Variants in FRMD4A observed in about 807,000 individuals in gnomAD.
FRMD4A encodes FERM domain containing 4A, also known as FERM domain-containing protein 4A.
In FRMD4A, 29 loss-of-function variants were observed where a neutral mutation model predicts 129.1. The ratio of observed to expected loss-of-function variants is 0.22; its 90% confidence interval spans 0.17 to 0.31. The LOEUF (loss-of-function observed/expected upper bound fraction) is 0.31, where lower values mean the gene tolerates loss of function less well. Among genes scored for constraint, FRMD4A ranks in the 10% least tolerant of loss-of-function variants. FRMD4A has a pLI of 1.00. For missense variants in FRMD4A, 1,272 were observed against 1,375.8 expected (o/e 0.92, Z 1.19); for synonymous variants, 634 against 571.6 (o/e 1.11, Z -1.56).
intron 2 of FRMD4A, among the ~76,000 whole-genome samples, chr10:14,136,236 A>G (rs1427192844): frequency 1.3e-5 from 2 of 152,186 alleles, no homozygotes; most frequent in African/African-American, 4.8e-5. Flanking sequence ...CAGGCTGTGA[A>G]CTGCATCAGA....
intron 2 of FRMD4A, among the ~76,000 whole-genome samples, chr10:14,221,300 C>T (rs1843251466): frequency 6.6e-6 from 1 of 152,082 alleles, no homozygotes; most frequent in African/African-American, 2.4e-5. Context: ...GATAACTGCT[C>T]CATCTGTGGA....
chr10:14,329,957 T>G (rs1471112966), intron 2 of FRMD4A, 101 bp downstream of exon 2: 2 of 1,103,662 alleles, frequency 1.8e-6, no homozygotes, highest in East Asian at 2.6e-5. Flanking sequence ...CGGAGCAATG[T>G]TGAACATGTC....
At chr10:14,133,688 T>G (rs947432139) in intron 2 of FRMD4A, among the ~76,000 whole-genome samples, 4 of 152,212 alleles carry the variant, frequency 2.6e-5, no homozygotes, top group African/African-American at 4.8e-5. Context: ...ATGTGCTATA[T>G]CCTGTGTGGA....
intron 2 of FRMD4A, among the ~76,000 whole-genome samples, chr10:13,910,993 T>C (rs776735561): frequency 1.3e-5 from 2 of 151,882 alleles, no homozygotes; most frequent in Non-Finnish European, 2.9e-5. Context: ...CCTCTGAAAT[T>C]TGACTTCAAA....
intron 2 of FRMD4A, among the ~76,000 whole-genome samples, chr10:14,005,032 T>C (rs943041884): frequency 3.3e-5 from 5 of 150,924 alleles, no homozygotes; most frequent in Non-Finnish European, 5.9e-5. Context: ...CTTTCTTTCT[T>C]TTTTTTTTGA....
intron 2 of FRMD4A, chr10:13,972,051 C>T (rs1321278782): frequency 1.7e-6 from 2 of 1,155,932 alleles, no homozygotes; most frequent in Non-Finnish European, 1.1e-6. Context: ...GTGTTTTCTC[C>T]TTGTCTCTGG....
rs149110193 is a variant in FRMD4A at position 13,911,712 on chromosome 10, C to T, written c.46-52800G>A. Among the ~76,000 whole-genome samples the T allele has an allele frequency of 8.5e-5, 13 of 152,260 alleles. No homozygotes were observed. The East Asian group carries it at 2.3e-3, about 27-fold the overall frequency. ...GAGTAGCTGGGACTACAGGCACGTG[C>T]CACCTCGCCTGGCTAATTTTTTGTA... On this transcript the variant is annotated intron_variant, in intron 2 of 24. Transcript: ENST00000357447.
intron 22 of FRMD4A, 124 bp downstream of exon 22, chr10:13,656,508 GAATT>G (rs751081812): frequency 7.9e-5 from 90 of 1,137,540 alleles, no homozygotes; most frequent in Middle Eastern, 3.2e-4. Context: ...AGCGTTCCCA[GAATT>G]AATTAATGAT....
At chr10:13,866,729 G>T (rs1337462027) in intron 2 of FRMD4A, among the ~76,000 whole-genome samples, 1 of 152,162 alleles carries the variant, frequency 6.6e-6, no homozygotes, top group Non-Finnish European at 1.5e-5. Flanking sequence ...GGAGGCCGAG[G>T]TGGGCAGATC....
chr10:13,987,226 C>T (rs1020978954), intron 2 of FRMD4A, among the ~76,000 whole-genome samples: 3 of 152,064 alleles, frequency 2.0e-5, no homozygotes, highest in African/African-American at 7.2e-5. Flanking sequence ...TCTGAACTAT[C>T]GTGGGATAGA....
At chr10:13,720,318 G>C (rs2134972136) in intron 12 of FRMD4A, among the ~76,000 whole-genome samples, 1 of 152,306 alleles carries the variant, frequency 6.6e-6, no homozygotes, top group African/African-American at 2.4e-5. Flanking sequence ...CAAAGTGTTG[G>C]GATTACAGGC....
rs776272804 is a variant in FRMD4A at position 13,657,133 on chromosome 10, C to CCGCCCCACG, written c.2455_2456insCGTGGGGCG (p.Gly818_Gly819insAlaTrpGly). On this transcript the variant is annotated inframe_insertion, in exon 22 of 25. Transcript: ENST00000357447. Reference sequence around the variant, plus strand: ...CTGGCTCTGGCTGTGCAGGTACACACCGCCCCCCGCGCCCCCCGCGCCCCC... The same window carrying CCGCCCCACG: ...CTGGCTCTGGCTGTGCAGGTACACACCGCCCCACGCGCCCCCCGCGCCCCCCGCGCCCCC... 2 of 1,504,880 alleles carry CCGCCCCACG rather than the reference C, an allele frequency of 1.3e-6. No homozygotes were observed. Among genetic ancestry groups the CCGCCCCACG allele is most frequent in the Non-Finnish European group, 1.8e-6 (2 of 1,131,090 alleles). 93.2% of individuals were successfully genotyped at this position (1,504,880 alleles called of 1,614,324 possible). A position where few individuals can be genotyped will look rare whatever the true frequency, so the allele number is the denominator to read the frequency against.
At chr10:14,217,089 A>T (rs1472507073) in intron 2 of FRMD4A, among the ~76,000 whole-genome samples, 2 of 152,232 alleles carry the variant, frequency 1.3e-5, no homozygotes, top group Non-Finnish European at 2.9e-5. Flanking sequence ...CTTCTCTGTC[A>T]CTATACTTGA....
At chr10:14,115,863 T>A (rs927291229) in intron 2 of FRMD4A, among the ~76,000 whole-genome samples, 1 of 152,172 alleles carries the variant, frequency 6.6e-6, no homozygotes, top group African/African-American at 2.4e-5. Context: ...GCCTCAGGTA[T>A]CTCTTCATAG....
intron 2 of FRMD4A, among the ~76,000 whole-genome samples, chr10:13,942,852 G>A (rs915489968): frequency 1.3e-5 from 2 of 152,032 alleles, no homozygotes; most frequent in Admixed American, 1.3e-4. Context: ...AGAATTGCTT[G>A]AACCCAGGAG....
At chr10:13,949,098 C>G (rs1383494219) in intron 2 of FRMD4A, among the ~76,000 whole-genome samples, 1 of 151,984 alleles carries the variant, frequency 6.6e-6, no homozygotes, top group Non-Finnish European at 1.5e-5. Context: ...TTGATTAAAT[C>G]TTTTATGGAA....
intron 2 of FRMD4A, among the ~76,000 whole-genome samples, chr10:14,291,084 G>C (rs762177319): frequency 6.6e-6 from 1 of 151,992 alleles, no homozygotes; most frequent in Non-Finnish European, 1.5e-5. Context: ...TATGAAGAAA[G>C]GGAAGATTCA....
At chr10:13,890,569 AC>A (rs1345928047) in intron 2 of FRMD4A, 1 of 984,180 alleles carries the variant, frequency 1.0e-6, no homozygotes, top group Non-Finnish European at 1.2e-6. Context: ...GTCACCACTG[AC>A]CAGCTCAGAC....
chr10:13,752,778 C>T (rs1401244011), intron 8 of FRMD4A, among the ~76,000 whole-genome samples: 1 of 152,214 alleles, frequency 6.6e-6, no homozygotes, highest in Non-Finnish European at 1.5e-5. Flanking sequence ...CATCCATTAT[C>T]ACAATTCCAA....
Sources: allele counts gnomAD v4.1 joint callset (sites outside exome capture counted in the v4.1 genomes callset), GRCh38; gene constraint gnomAD v4.1.1; transcripts MANE v1.5; gene names NCBI Gene and HGNC (gene_info 2026-07-23, HGNC 2026-07-21).